The following GSK3B variants were observed in gnomAD, a reference collection of about 807,000 sequenced individuals.
GSK3B encodes glycogen synthase kinase-3 beta.
GSK3B carries 15 observed loss-of-function variants against 56.4 expected under a neutral mutation model. The ratio of observed to expected loss-of-function variants is 0.27; its 90% CI spans 0.18 to 0.41. GSK3B has a LOEUF of 0.41. Among genes scored for constraint, GSK3B ranks in the 10% least tolerant of loss-of-function variants. GSK3B has a pLI of 1.00. For missense variants in GSK3B, 300 were observed against 513.4 expected (o/e 0.58, Z 4.02); for synonymous variants, 181 against 188.9 (o/e 0.96, Z 0.34).
At chr3:119,830,888 C>T (rs2055587968) in intron 10 of GSK3B, among the ~76,000 whole-genome samples, 1 of 152,092 alleles carries the variant, frequency 6.6e-6, no homozygotes, top group Non-Finnish European at 1.5e-5. Flanking sequence ...CAGTATCTGG[C>T]ATACAGCAAT....
intron 3 of GSK3B, among the ~76,000 whole-genome samples, chr3:119,942,108 T>G (rs2057054840): frequency 6.6e-6 from 1 of 152,236 alleles, no homozygotes; most frequent in African/African-American, 2.4e-5. Context: ...AACTGTCATC[T>G]TTGTTATTTG....
rs181105632 is a variant in GSK3B at position 119,826,088 on chromosome 3, G to A, written c.*700C>T. 17 of 226,958 alleles carry A rather than the reference G, an allele frequency of 7.5e-5. No homozygotes were observed. Among genetic ancestry groups the A allele is most frequent in the East Asian group, 5.8e-4 (9 of 15,510 alleles). The allele number at this position is 226,958 out of a possible 1,614,324, so 14.1% of individuals were successfully genotyped here. ...GCTGCTTCCCCTCTGGCAGCCTCCT[G>A]TACAAGCCTCTACATCACTAGCACT... On this transcript the variant is annotated 3_prime_UTR_variant, in exon 11 of 11. Coordinates refer to ENST00000264235, the MANE Select transcript of GSK3B (RefSeq NM_001146156.2).
chr3:119,985,724 A>T (rs1354981717), intron 2 of GSK3B, among the ~76,000 whole-genome samples: 2 of 152,238 alleles, frequency 1.3e-5, no homozygotes, highest in Non-Finnish European at 2.9e-5. Context: ...GCTCATGGAT[A>T]GGAAAAATCA....
intron 9 of GSK3B, among the ~76,000 whole-genome samples, chr3:119,847,895 T>C (rs2055876557): frequency 6.6e-6 from 1 of 152,216 alleles, no homozygotes; most frequent in Non-Finnish European, 1.5e-5. Context: ...CAACTGGATG[T>C]ACTGACCAAC....
intron 3 of GSK3B, among the ~76,000 whole-genome samples, chr3:119,941,966 C>T (rs2057053746): frequency 6.6e-6 from 1 of 152,198 alleles, no homozygotes; most frequent in Non-Finnish European, 1.5e-5. Context: ...CTCTCCAGAG[C>T]TAGTGGTAGA....
At chr3:120,030,412 A>C (rs1379883957) in intron 1 of GSK3B, among the ~76,000 whole-genome samples, 1 of 152,064 alleles carries the variant, frequency 6.6e-6, no homozygotes, top group African/African-American at 2.4e-5. Context: ...TCAACTCCCC[A>C]CTTTGGAGTT....
chr3:119,829,657 C>T (rs2055568326), intron 10 of GSK3B, among the ~76,000 whole-genome samples: 1 of 152,244 alleles, frequency 6.6e-6, no homozygotes, highest in South Asian at 2.1e-4. Flanking sequence ...TGACTACAGC[C>T]TGTGAGCTTG....
At chr3:119,920,458 C>CTT (rs200611894) in intron 4 of GSK3B, among the ~76,000 whole-genome samples, 2,573 of 152,222 alleles carry the variant, frequency 0.017, 127 homozygotes, top group Admixed American at 0.11. Flanking sequence ...CCAGGCTGGT[C>CTT]TTGAACTCCT....
chr3:119,972,952 G>A (rs755070522), intron 2 of GSK3B, among the ~76,000 whole-genome samples: 4 of 152,152 alleles, frequency 2.6e-5, no homozygotes, highest in Non-Finnish European at 5.9e-5. Context: ...CTTCCAATTT[G>A]ACTGATGCTT....
chr3:120,008,388 C>A (rs528309281), intron 1 of GSK3B, among the ~76,000 whole-genome samples: 1 of 152,264 alleles, frequency 6.6e-6, no homozygotes, highest in African/African-American at 2.4e-5. Flanking sequence ...CACAAAAGAG[C>A]CTGCATACCC....
At chr3:120,026,617 G>A (rs2057929895) in intron 1 of GSK3B, among the ~76,000 whole-genome samples, 1 of 150,838 alleles carries the variant, frequency 6.6e-6, no homozygotes, top group African/African-American at 2.4e-5. Flanking sequence ...CCAGGCTAGA[G>A]GGCAATCTCG....
At chr3:119,969,799 T>C (rs1298930166) in intron 2 of GSK3B, among the ~76,000 whole-genome samples, 1 of 152,230 alleles carries the variant, frequency 6.6e-6, no homozygotes, top group Non-Finnish European at 1.5e-5. Context: ...CGTGGATACA[T>C]TTTCCACAAT....
At chr3:119,882,100 C>T (rs554844085) in intron 7 of GSK3B, among the ~76,000 whole-genome samples, 2 of 151,238 alleles carry the variant, frequency 1.3e-5, no homozygotes, top group East Asian at 1.9e-4. Flanking sequence ...AATACAGTTA[C>T]AATGTATAAT....
intron 3 of GSK3B, among the ~76,000 whole-genome samples, chr3:119,933,386 C>A (rs547246963): frequency 6.6e-6 from 1 of 152,204 alleles, no homozygotes; most frequent in South Asian, 2.1e-4. Flanking sequence ...ATAGAGCCCC[C>A]CCAAATAGAC....
At chr3:119,915,739 G>A (rs1246056785) in intron 5 of GSK3B, among the ~76,000 whole-genome samples, 1 of 151,918 alleles carries the variant, frequency 6.6e-6, no homozygotes, top group Non-Finnish European at 1.5e-5. Flanking sequence ...AATTTATTTA[G>A]CCATTTTCCT....
chr3:120,043,583 T>C (rs2058080377), intron 1 of GSK3B, among the ~76,000 whole-genome samples: 1 of 152,170 alleles, frequency 6.6e-6, no homozygotes, highest in Admixed American at 6.5e-5. Context: ...AGAGATATGT[T>C]CCCAATGGGC....
chr3:119,830,364 C>T (rs1393415547), intron 10 of GSK3B, among the ~76,000 whole-genome samples: 1 of 152,172 alleles, frequency 6.6e-6, no homozygotes, highest in African/African-American at 2.4e-5. Flanking sequence ...ATTTATTTTA[C>T]ACAATGGAAT....
At chr3:120,029,220 C>T (rs2057955169) in intron 1 of GSK3B, 7 of 688,442 alleles carry the variant, frequency 1.0e-5, no homozygotes, top group South Asian at 9.4e-5. Flanking sequence ...ATAACCTAAG[C>T]GATGGCCACC....
intron 1 of GSK3B, among the ~76,000 whole-genome samples, chr3:120,089,752 C>T (rs1390286492): frequency 6.6e-6 from 1 of 152,122 alleles, no homozygotes; most frequent in Non-Finnish European, 1.5e-5. Flanking sequence ...AAAAGTGCCA[C>T]AAACAGTCCC....
Sources: gnomAD v4.1 joint callset for allele counts (sites outside exome capture counted in the v4.1 genomes callset) on GRCh38, gnomAD v4.1.1 for gene constraint, MANE v1.5 for transcripts, NCBI Gene and HGNC (gene_info 2026-07-23, HGNC 2026-07-21) for gene names.